Variants in XPO4 observed in about 807,000 individuals in gnomAD.
XPO4 encodes exportin 4.
XPO4 carries 39 observed loss-of-function variants against 143.0 expected under a neutral mutation model. The observed-to-expected ratio is 0.27, with a 90% CI of 0.21 to 0.36. The LOEUF (loss-of-function observed/expected upper bound fraction) is 0.36, where lower values mean the gene tolerates loss of function less well. Among genes scored for constraint, XPO4 ranks in the 10% least tolerant of loss-of-function variants. XPO4 has a pLI of 1.00. For missense variants in XPO4, 907 were observed against 1,348.0 expected (o/e 0.67, Z 5.12); for synonymous variants, 439 against 474.0 (o/e 0.93, Z 0.96).
intron 11 of XPO4, 94 bp downstream of exon 11, chr13:20,808,989 G>A: frequency 7.4e-7 from 1 of 1,353,386 alleles, no homozygotes. Flanking sequence ...ACACGGGGTG[G>A]GGGTGTTTAA....
intron 20 of XPO4, among the ~76,000 whole-genome samples, chr13:20,787,809 T>C (rs1342600759): frequency 6.6e-6 from 1 of 152,216 alleles, no homozygotes; most frequent in Non-Finnish European, 1.5e-5. Context: ...GGTTTGAGCC[T>C]GGTGATGTAT....
intron 13 of XPO4, among the ~76,000 whole-genome samples, chr13:20,801,765 G>C (rs1029261583): frequency 3.9e-5 from 6 of 152,204 alleles, no homozygotes; most frequent in African/African-American, 1.4e-4. Context: ...GAATATCAGT[G>C]CTGAGAAAAG....
chr13:20,856,403 T>C, intron 3 of XPO4: 7 of 976,598 alleles, frequency 7.2e-6, no homozygotes, highest in Non-Finnish European at 8.5e-6. Context: ...AGTGGAGGCA[T>C]TTTACCAAGC....
Position 20,782,622 on chromosome 13 carries a change from T to C in XPO4, c.*1100A>G, listed in dbSNP as rs1014252726. ...TTAAGCAAGCCATTTAGAGTAGATA[T>C]GGGCTATGTGGCTGGATAGAAACAC... On this transcript the variant is annotated 3_prime_UTR_variant, in exon 23 of 23. Coordinates refer to ENST00000255305, the MANE Select transcript of XPO4 (RefSeq NM_022459.5). The C allele has an allele frequency of 2.0e-5, 3 of 152,580 alleles. No individual in the cohort carries two copies. The highest frequency in any genetic ancestry group is 1.3e-4 in the Admixed American group (2 of 15,264). 9.5% of individuals were successfully genotyped at this position (152,580 alleles called of 1,614,324 possible).
At chr13:20,864,049 T>G (rs2060224335) in intron 2 of XPO4, among the ~76,000 whole-genome samples, 1 of 152,136 alleles carries the variant, frequency 6.6e-6, no homozygotes, top group Non-Finnish European at 1.5e-5. Flanking sequence ...AGAAACCAAT[T>G]TGAACCTTTT....
chr13:20,868,182 A>T (rs9509409), intron 2 of XPO4, among the ~76,000 whole-genome samples: 51,450 of 150,302 alleles, frequency 0.34, 10,416 homozygotes, highest in Non-Finnish European at 0.47. Context: ...AAAAAAAAAA[A>T]CTATGGAAAA....
chr13:20,800,097 A>T lies in XPO4; in HGVS notation c.2147+59T>A, dbSNP rs1218877618. The T allele has an allele frequency of 2.5e-6, 4 of 1,584,684 alleles. No homozygotes were observed. The East Asian group carries it at 9.0e-5, about 36-fold the overall frequency. ...GTTCAAAGGACTACACTAAGAAGTGAAAAAGAGTTTCTCACCCACACACAT... is the reference window on the plus strand; with the variant it reads ...GTTCAAAGGACTACACTAAGAAGTGTAAAAGAGTTTCTCACCCACACACAT... On this transcript the variant is annotated intron_variant, in intron 15 of 22. Transcript: ENST00000255305.
chr13:20,855,182 G>A (rs958161244), intron 4 of XPO4, among the ~76,000 whole-genome samples: 14 of 152,234 alleles, frequency 9.2e-5, no homozygotes, highest in Admixed American at 2.6e-4. Context: ...TAGGCCAGGC[G>A]CAGTGGCTCA....
chr13:20,804,698 C>T (rs1055991095), intron 13 of XPO4, among the ~76,000 whole-genome samples: 1 of 152,104 alleles, frequency 6.6e-6, no homozygotes, highest in Non-Finnish European at 1.5e-5. Context: ...ATTCCTACTT[C>T]AATTCCTTAA....
At chr13:20,854,648 C>A (rs1251974745) in intron 4 of XPO4, among the ~76,000 whole-genome samples, 1 of 152,116 alleles carries the variant, frequency 6.6e-6, no homozygotes, top group Non-Finnish European at 1.5e-5. Flanking sequence ...AGTTAAATAT[C>A]ATTCAGGTGA....
At chr13:20,834,005 C>T (rs2059885343) in intron 6 of XPO4, among the ~76,000 whole-genome samples, 1 of 152,100 alleles carries the variant, frequency 6.6e-6, no homozygotes, top group East Asian at 1.9e-4. Flanking sequence ...GAATGAGAAG[C>T]AAGTGAATTT....
intron 4 of XPO4, among the ~76,000 whole-genome samples, chr13:20,847,336 A>G (rs1292614560): frequency 6.6e-6 from 1 of 152,186 alleles, no homozygotes; most frequent in African/African-American, 2.4e-5. Context: ...TATGGATTAA[A>G]TCCCCTTAAA....
Position 20,787,553 on chromosome 13 carries a change from C to A in XPO4, c.3093G>T (p.Pro1031=), listed in dbSNP as rs1216207564. 1 of 1,614,228 alleles carries A rather than the reference C, an allele frequency of 6.2e-7. No individual in the cohort carries two copies. Among genetic ancestry groups the A allele is most frequent in the Non-Finnish European group, 8.5e-7 (1 of 1,180,044 alleles). ...VCQLCLEALT[P]LAEQCAKAQE... is the part of the protein sequence containing the mutation. The stretch of plus-strand genomic sequence containing the variant: ...GTGCTTTTGCACACTGTTCAGCTAA[C>A]GGTGTCAAGGCCTCCAGGCAAAGCT... The change falls in exon 21 of 23, where the codon CCG becomes CCT. Residue 1031 remains proline (P), a synonymous_variant. Coordinates refer to ENST00000255305, the MANE Select transcript of XPO4 (RefSeq NM_022459.5).
At chr13:20,878,262 A>G (rs2060372723) in intron 1 of XPO4, among the ~76,000 whole-genome samples, 1 of 152,196 alleles carries the variant, frequency 6.6e-6, no homozygotes, top group African/African-American at 2.4e-5. Flanking sequence ...CTTAGAATTG[A>G]GACTTATCTA....
At chr13:20,871,507 G>A (rs2060298505) in intron 1 of XPO4, among the ~76,000 whole-genome samples, 1 of 152,072 alleles carries the variant, frequency 6.6e-6, no homozygotes, top group African/African-American at 2.4e-5. Flanking sequence ...TTTGTAGAGG[G>A]TAGACACCAT....
At chr13:20,835,792 C>T (rs980249872) in intron 6 of XPO4, among the ~76,000 whole-genome samples, 1 of 152,114 alleles carries the variant, frequency 6.6e-6, no homozygotes, top group Non-Finnish European at 1.5e-5. Context: ...ACCTCCCCTT[C>T]ACCTCCTCCA....
chr13:20,823,277 T>G (rs1179021620), intron 7 of XPO4, among the ~76,000 whole-genome samples: 1 of 151,976 alleles, frequency 6.6e-6, no homozygotes, highest in Non-Finnish European at 1.5e-5. Flanking sequence ...CTAGGCAAAT[T>G]GTTTCTAAAT....
chr13:20,873,008 G>C (rs1382322262), intron 1 of XPO4, among the ~76,000 whole-genome samples: 1 of 151,196 alleles, frequency 6.6e-6, no homozygotes, highest in Non-Finnish European at 1.5e-5. Context: ...AGCTTAAAAA[G>C]GCTTCACACT....
At chr13:20,786,307 GTA>G (rs35172496) in intron 22 of XPO4, among the ~76,000 whole-genome samples, 21,270 of 146,880 alleles carry the variant, frequency 0.14, 1,690 homozygotes, top group African/African-American at 0.21. Context: ...ACGTGTGTGT[GTA>G]TATATATATA....
Sources: gnomAD v4.1 joint callset for allele counts (sites outside exome capture counted in the v4.1 genomes callset) on GRCh38, gnomAD v4.1.1 for gene constraint, MANE v1.5 for transcripts, NCBI Gene and HGNC (gene_info 2026-07-23, HGNC 2026-07-21) for gene names.